The following MMRN1 variants were observed in gnomAD, a reference collection of about 807,000 sequenced individuals.
MMRN1 encodes multimerin 1.
MMRN1 carries 94 observed loss-of-function variants against 100.7 expected under a neutral mutation model. The observed-to-expected ratio is 0.93, with a 90% CI of 0.79 to 1.11. The LOEUF (loss-of-function observed/expected upper bound fraction) is 1.11, where lower values mean the gene tolerates loss of function less well. Ranked by LOEUF, MMRN1 falls within the 50% of genes least tolerant of loss-of-function variation. The probability of loss-of-function intolerance (pLI) is 0.00; values close to 1 mark genes in which losing one functional copy is unlikely to be tolerated. For synonymous variants in MMRN1, 575 were observed against 505.0 expected (o/e 1.14, Z -1.86); for missense variants, 1,606 against 1,439.1 (o/e 1.12, Z -1.88).
In MMRN1 at chr4:89,953,018, G is replaced by A. The variant is rs748897248; in HGVS notation, c.3287G>A (p.Arg1096Lys). ...ACAGATTTTTCCAAAGGATCTTACA[G>A]ATATGCACCCATGGTGGCATTTTTT... ...LAPDFSKGSY[R>K]YAPMVAFFAS... Residue 1096 changes from arginine to lysine, a missense_variant, in exon 8 of 8, where the codon AGA becomes AAA. Coordinates refer to ENST00000264790, the MANE Select transcript of MMRN1 (RefSeq NM_007351.3). The A allele has an allele frequency of 1.2e-6, 2 of 1,607,282 alleles. No homozygotes were observed. Among genetic ancestry groups the A allele is most frequent in the South Asian group, 2.2e-5 (2 of 89,524 alleles).
chr4:89,892,814 T>C (rs1467353895), upstream of MMRN1, among the ~76,000 whole-genome samples: 1 of 152,020 alleles, frequency 6.6e-6, no homozygotes, highest in African/African-American at 2.4e-5. Context: ...ATGGGTGACA[T>C]TTTACCACTA....
chr4:89,904,949 CT>C (rs1721517727), intron 1 of MMRN1, among the ~76,000 whole-genome samples: 1 of 151,430 alleles, frequency 6.6e-6, no homozygotes, highest in Non-Finnish European at 1.5e-5. Flanking sequence ...ATATAGTTAC[CT>C]TTAAAATTCT....
rs1001851435 is a variant in MMRN1, at chr4:89,888,722, A to T, written c.-248-6002A>T. ...TTTTCTTTGATATTTCCAGTATGCT[A>T]TCAAGCTTATCAAATGACTTCTTCA... On this transcript the variant is annotated intron_variant, in intron 1 of 8. Coordinates refer to the MMRN1 transcript ENST00000394980. 2.0e-5 allele frequency among the ~76,000 whole-genome samples: 3 copies of T among 152,080 alleles called. No individual in the cohort carries two copies. In the South Asian group the frequency reaches 6.2e-4, roughly 31 times the overall value.
At chr4:89,892,787 T>C (rs1721083318), upstream of MMRN1, among the ~76,000 whole-genome samples, 1 of 152,018 alleles carries the variant, frequency 6.6e-6, no homozygotes, top group Non-Finnish European at 1.5e-5. Flanking sequence ...AACTATTTGT[T>C]ATCAGTTATA....
chr4:89,917,153 C>T (rs1721948145), intron 3 of MMRN1, among the ~76,000 whole-genome samples: 1 of 151,500 alleles, frequency 6.6e-6, no homozygotes, highest in Non-Finnish European at 1.5e-5. Flanking sequence ...GCCCTTGTTT[C>T]CCCAGTCTTT....
chr4:89,945,742 A>G (rs1722967410), intron 6 of MMRN1, among the ~76,000 whole-genome samples: 1 of 152,210 alleles, frequency 6.6e-6, no homozygotes, highest in Admixed American at 6.5e-5. Flanking sequence ...GGGATAAAGT[A>G]AATCCTTTCG....
chr4:89,952,842 G>C (rs1723221409), intron 7 of MMRN1, among the ~76,000 whole-genome samples, 155 bp from the exon 8 acceptor site: 1 of 152,150 alleles, frequency 6.6e-6, no homozygotes, highest in Non-Finnish European at 1.5e-5. Flanking sequence ...AGAAGAGACA[G>C]GCATTGAGAC....
chr4:89,901,418 T>G (rs1440508233), intron 1 of MMRN1, among the ~76,000 whole-genome samples: 1 of 151,930 alleles, frequency 6.6e-6, no homozygotes, highest in Non-Finnish European at 1.5e-5. Flanking sequence ...ATTCTGAGTT[T>G]AATGACAAAT....
chr4:89,886,945 T>C lies in MMRN1; in HGVS notation c.-249+7343T>C, dbSNP rs1720950118. Among the ~76,000 whole-genome samples, 3 of 152,120 alleles carry C rather than the reference T, an allele frequency of 2.0e-5. No individual in the cohort carries two copies. The South Asian group carries it at 6.2e-4, about 32-fold the overall frequency. On this transcript the variant is annotated intron_variant, in intron 1 of 8. Transcript: ENST00000394980. ...CACCCTATTGTGCTACTGAACCTTA[T>C]ATCTTATTTCTGCCATCTAACTGTA...
chr4:89,895,188 A>G lies in MMRN1; in HGVS notation c.217A>G (p.Thr73Ala). The G allele has an allele frequency of 6.2e-7, 1 of 1,613,872 alleles. No individual in the cohort carries two copies. The highest frequency in any genetic ancestry group is 1.7e-4 in the Middle Eastern group (1 of 6,060). ...AEIATTPEAR[T>A]SEDSLLKSTL... Reference sequence around the variant, plus strand: ...GATAGCTACAACTCCAGAGGCAAGAACTTCTGAAGACAGTCTTCTTAAATC... The same window carrying G: ...GATAGCTACAACTCCAGAGGCAAGAGCTTCTGAAGACAGTCTTCTTAAATC... The change falls in exon 1 of 8, where the codon ACT (threonine) becomes GCT (alanine). Residue 73 changes from threonine to alanine, a missense_variant. Coordinates refer to ENST00000264790, the MANE Select transcript of MMRN1 (RefSeq NM_007351.3).
rs954475148 is a variant in MMRN1, at chr4:89,928,079, A to G, written c.1129+111A>G. On this transcript the variant is annotated intron_variant, in intron 5 of 7. Transcript: ENST00000264790. ...TTTGCTTTAGTTTGGGTGGTATGGA[A>G]ACCTAAGAAAGATTTTTTTTAATGA... 6.2e-6 allele frequency: 5 copies of G among 802,542 alleles called. No individual in the cohort carries two copies. The African/African-American group carries it at 9.0e-5, about 14-fold the overall frequency. 49.7% of individuals were successfully genotyped at this position (802,542 alleles called of 1,614,324 possible). A position where few individuals can be genotyped will look rare whatever the true frequency, so the allele number is the denominator to read the frequency against.
chr4:89,915,294 T>C (rs1721875981), intron 3 of MMRN1, among the ~76,000 whole-genome samples: 1 of 151,630 alleles, frequency 6.6e-6, no homozygotes, highest in South Asian at 2.1e-4. Context: ...AATAAAATTA[T>C]GATGCATTTA....
chr4:89,879,774 C>G (rs903078760), intron 1 of MMRN1, among the ~76,000 whole-genome samples: 24 of 152,186 alleles, frequency 1.6e-4, no homozygotes, highest in African/African-American at 5.3e-4. Flanking sequence ...TTATAATGGG[C>G]ACTTAGAATG....
intron 6 of MMRN1, among the ~76,000 whole-genome samples, chr4:89,950,902 GT>G (rs1363899370): frequency 6.6e-6 from 1 of 151,486 alleles, no homozygotes; most frequent in Non-Finnish European, 1.5e-5. Context: ...TCTTTTCAGA[GT>G]TTTTCATATG....
At chr4:89,941,919 C>A (rs1177339183) in intron 6 of MMRN1, among the ~76,000 whole-genome samples, 1 of 152,108 alleles carries the variant, frequency 6.6e-6, no homozygotes, top group East Asian at 1.9e-4. Context: ...GGGAGAAGAA[C>A]AGACTCCCCC....
At chr4:89,899,340 T>A (rs1432114405) in intron 1 of MMRN1, among the ~76,000 whole-genome samples, 1 of 152,086 alleles carries the variant, frequency 6.6e-6, no homozygotes, top group African/African-American at 2.4e-5. Context: ...TTAGGATTAG[T>A]GTATTTATAT....
chr4:89,932,923 C>T (rs1722487358), intron 5 of MMRN1, among the ~76,000 whole-genome samples: 1 of 152,170 alleles, frequency 6.6e-6, no homozygotes, highest in Non-Finnish European at 1.5e-5. Flanking sequence ...TTGAATTTCT[C>T]CTCAGAAAAT....
At chr4:89,926,490 A>G (rs922389018) in intron 4 of MMRN1, among the ~76,000 whole-genome samples, 1 of 152,130 alleles carries the variant, frequency 6.6e-6, no homozygotes, top group Non-Finnish European at 1.5e-5. Flanking sequence ...GTGTTTTCCT[A>G]TAGGCTTGTT....
chr4:89,924,839 TC>T (rs1298798786), intron 4 of MMRN1, among the ~76,000 whole-genome samples: 4 of 151,990 alleles, frequency 2.6e-5, no homozygotes, highest in African/African-American at 9.7e-5. Context: ...CGAGACTGTC[TC>T]AAAAATAAAA....
Sources: allele counts gnomAD v4.1 joint callset (sites outside exome capture counted in the v4.1 genomes callset), GRCh38; gene constraint gnomAD v4.1.1; transcripts MANE v1.5; gene names NCBI Gene and HGNC (gene_info 2026-07-23, HGNC 2026-07-21).